The following DSCAM variants were observed in gnomAD, a reference collection of about 807,000 sequenced individuals.
DSCAM encodes DS cell adhesion molecule.
In DSCAM, 47 loss-of-function variants were observed where a neutral mutation model predicts 217.7. The ratio of observed to expected loss-of-function variants is 0.22; its 90% CI spans 0.17 to 0.28. The LOEUF is 0.28. DSCAM is among the 10% of genes least tolerant of loss of function. DSCAM has a pLI of 1.00. For missense variants in DSCAM, 2,080 were observed against 2,618.3 expected (o/e 0.79, Z 4.49); for synonymous variants, 1,056 against 1,015.3 (o/e 1.04, Z -0.76).
intron 8 of DSCAM, among the ~76,000 whole-genome samples, chr21:40,330,042 C>T (rs1287060710): frequency 2.0e-5 from 3 of 151,880 alleles, no homozygotes; most frequent in East Asian, 1.9e-4. Context: ...AACATGATAA[C>T]TATGTGAGAC....
intron 3 of DSCAM, among the ~76,000 whole-genome samples, chr21:40,571,048 A>T (rs745937207): frequency 6.6e-6 from 1 of 152,184 alleles, no homozygotes; most frequent in Non-Finnish European, 1.5e-5. Flanking sequence ...TTAAAAAGTT[A>T]TTTCAAAATC....
At chr21:40,285,918 G>T (rs569332455) in intron 10 of DSCAM, among the ~76,000 whole-genome samples, 26 of 152,318 alleles carry the variant, frequency 1.7e-4, no homozygotes, top group African/African-American at 6.0e-4. Context: ...CTGGATCAGA[G>T]GAGTGCACTG....
chr21:40,635,676 T>A (rs149498733), intron 3 of DSCAM, among the ~76,000 whole-genome samples: 2 of 152,322 alleles, frequency 1.3e-5, no homozygotes, highest in Non-Finnish European at 2.9e-5. Context: ...ATGTTTTCTT[T>A]TATAAGCAAA....
intron 1 of DSCAM, among the ~76,000 whole-genome samples, chr21:40,806,324 C>T (rs1000098014): frequency 3.3e-5 from 5 of 151,354 alleles, no homozygotes; most frequent in African/African-American, 1.2e-4. Context: ...ATCTGTGGTG[C>T]CCCGATTCTC....
chr21:40,488,004 A>G (rs1416588769), intron 3 of DSCAM, among the ~76,000 whole-genome samples: 4 of 152,236 alleles, frequency 2.6e-5, no homozygotes, highest in Non-Finnish European at 5.9e-5. Flanking sequence ...TTATGAAAAC[A>G]CAGGCACTGG....
At chr21:40,213,674 G>A (rs2091209591) in intron 11 of DSCAM, among the ~76,000 whole-genome samples, 1 of 152,208 alleles carries the variant, frequency 6.6e-6, no homozygotes, top group South Asian at 2.1e-4. Flanking sequence ...GAGTGGGTGA[G>A]AAGCTAGAAG....
At chr21:40,740,575 G>C (rs1190369389) in intron 1 of DSCAM, among the ~76,000 whole-genome samples, 1 of 152,184 alleles carries the variant, frequency 6.6e-6, no homozygotes, top group Non-Finnish European at 1.5e-5. Context: ...TTTGTTGAGT[G>C]CTGCTGTGTA....
At chr21:40,726,191 G>A (rs1028288441) in intron 1 of DSCAM, among the ~76,000 whole-genome samples, 1 of 152,160 alleles carries the variant, frequency 6.6e-6, no homozygotes, top group African/African-American at 2.4e-5. Flanking sequence ...TAGTCCGTTG[G>A]AGAATTTGGG....
chr21:40,061,569 C>A (rs867627340), intron 28 of DSCAM, among the ~76,000 whole-genome samples: 19,679 of 85,936 alleles, frequency 0.23, 1,819 homozygotes, highest in East Asian at 0.44. Context: ...AACTCTGTCC[C>A]AAAAAAAAAA....
intron 3 of DSCAM, among the ~76,000 whole-genome samples, chr21:40,473,870 C>G (rs1174404824): frequency 6.6e-6 from 1 of 151,770 alleles, no homozygotes; most frequent in Admixed American, 6.5e-5. Context: ...AAGGAACCAC[C>G]CTGCTGATAG....
chr21:40,379,982 G>A (rs1406223569), intron 3 of DSCAM, among the ~76,000 whole-genome samples: 5 of 152,234 alleles, frequency 3.3e-5, no homozygotes, highest in Non-Finnish European at 5.9e-5. Flanking sequence ...CATCACATGG[G>A]GCATGAGGAA....
At chr21:40,113,636 A>G (rs1161951267) in intron 20 of DSCAM, among the ~76,000 whole-genome samples, 1 of 152,196 alleles carries the variant, frequency 6.6e-6, no homozygotes, top group Non-Finnish European at 1.5e-5. Context: ...CTGTTTGCAG[A>G]TGACATGATT....
intron 3 of DSCAM, among the ~76,000 whole-genome samples, chr21:40,443,934 T>A (rs1245804145): frequency 6.6e-6 from 1 of 152,220 alleles, no homozygotes. Flanking sequence ...GTGAACTTAG[T>A]ATTTTCACCA....
intron 3 of DSCAM, among the ~76,000 whole-genome samples, chr21:40,685,367 G>A (rs557621237): frequency 2.6e-5 from 4 of 152,278 alleles, no homozygotes; most frequent in African/African-American, 7.2e-5. Flanking sequence ...TGCCTGAACT[G>A]CATAAGCAAT....
At chr21:40,070,003 T>C (rs1601295939) in intron 27 of DSCAM, among the ~76,000 whole-genome samples, 1 of 152,004 alleles carries the variant, frequency 6.6e-6, no homozygotes, top group Admixed American at 6.6e-5. Context: ...CACAATCCCC[T>C]CCTGACTACC....
At chr21:40,606,398 C>A (rs1172202852) in intron 3 of DSCAM, among the ~76,000 whole-genome samples, 1 of 152,190 alleles carries the variant, frequency 6.6e-6, no homozygotes, top group African/African-American at 2.4e-5. Flanking sequence ...GCTGGAAATC[C>A]AGATTTTATG....
intron 3 of DSCAM, among the ~76,000 whole-genome samples, chr21:40,381,074 A>AAAAAAAAAAAAAAAAAAAAC (rs1569095596): frequency 1.0e-4 from 15 of 147,108 alleles, no homozygotes; most frequent in African/African-American, 3.7e-4. Context: ...AAAAAAAAAA[A>AAAAAAAAAAAAAAAAAAAAC]AAAAAAAAAA....
In DSCAM at chr21:40,347,679, C is replaced by A; in HGVS notation, c.1201G>T (p.Val401Phe). The change falls in exon 6 of 33, where the codon GTC (valine) becomes TTC (phenylalanine). Residue 401 changes from valine (V) to phenylalanine (F), a missense_variant. Around this residue, in one of 5 missense-constraint regions of DSCAM, gnomAD observed 568 missense variants for 678.1 expected, o/e 0.84. Transcript: ENST00000400454. ...AACGAGGCCCACTGACCTTCAAGGA[C>A]CACCTGCACATAGTCTTGAGCGGAC... Reference protein sequence around the residue: ...KLSAQDYVQVVLEDGTPKIIS... With the variant: ...KLSAQDYVQVFLEDGTPKIIS... 6.2e-7 allele frequency: 1 copy of A among 1,613,822 alleles called. No individual in the cohort carries two copies.
chr21:40,836,983 T>C (rs1002814610), intron 1 of DSCAM, among the ~76,000 whole-genome samples: 12 of 152,218 alleles, frequency 7.9e-5, no homozygotes, highest in African/African-American at 2.7e-4. Context: ...GAAACTTCCA[T>C]ATCTCCTTTC....
Sources: allele counts gnomAD v4.1 joint callset (sites outside exome capture counted in the v4.1 genomes callset), GRCh38; gene constraint gnomAD v4.1.1; regional missense constraint gnomAD v4.1.1; transcripts MANE v1.5; gene names NCBI Gene and HGNC (gene_info 2026-07-23, HGNC 2026-07-21).